The following DACH1 variants were observed in gnomAD, a reference collection of about 807,000 sequenced individuals.
The protein encoded by DACH1 is dachshund family transcription factor 1.
DACH1 carries 12 observed loss-of-function variants against 54.2 expected under a neutral mutation model. The observed-to-expected ratio is 0.22, with a 90% CI of 0.14 to 0.36. DACH1 has a LOEUF of 0.36. Among genes scored for constraint, DACH1 ranks in the 10% least tolerant of loss-of-function variants. The probability of loss-of-function intolerance (pLI) is 1.00; values close to 1 mark genes in which losing one functional copy is unlikely to be tolerated. For missense variants in DACH1, 805 were observed against 929.8 expected (o/e 0.87, Z 1.75); for synonymous variants, 386 against 366.2 (o/e 1.05, Z -0.62).
intron 6 of DACH1, among the ~76,000 whole-genome samples, chr13:71,523,885 A>AT (rs1411423876): frequency 6.6e-6 from 1 of 152,164 alleles, no homozygotes; most frequent in Non-Finnish European, 1.5e-5. Context: ...CCAGTAGACA[A>AT]TTTAATTTTA....
intron 10 of DACH1, among the ~76,000 whole-genome samples, chr13:71,467,525 G>T (rs1876697342): frequency 6.7e-6 from 1 of 150,336 alleles, no homozygotes; most frequent in Non-Finnish European, 1.5e-5. Flanking sequence ...AAATAAAAAA[G>T]AATAAAATAT....
chr13:71,685,772 C>T (rs1881128812), intron 1 of DACH1, among the ~76,000 whole-genome samples: 1 of 152,112 alleles, frequency 6.6e-6, no homozygotes, highest in Non-Finnish European at 1.5e-5. Flanking sequence ...GCCAAAATCA[C>T]AGATTTTATT....
rs1885179079 is a variant in DACH1, at chr13:71,571,315, G to GT, written c.1299+1524dup. 2.0e-5 allele frequency among the ~76,000 whole-genome samples: 3 copies of GT among 152,056 alleles called. No individual in the cohort carries two copies. In the South Asian group the frequency reaches 6.2e-4, roughly 32 times the overall value. On this transcript the variant is annotated intron_variant, in intron 4 of 10. Transcript: ENST00000613252. The stretch of plus-strand genomic sequence containing the variant: ...TACAATGATGGGAAGACTTAAATGG[G>GT]TTTTTCCCTCCGCCAAACTCCTCTT...
At chr13:71,780,005 G>GGAAT (rs201886906) in intron 1 of DACH1, among the ~76,000 whole-genome samples, 128 of 149,964 alleles carry the variant, frequency 8.5e-4, no homozygotes, top group African/African-American at 2.2e-3. Flanking sequence ...TATGAAGGAA[G>GGAAT]GAATGAATGA....
At chr13:71,445,607 G>A (rs551204759) in intron 10 of DACH1, among the ~76,000 whole-genome samples, 1 of 152,248 alleles carries the variant, frequency 6.6e-6, no homozygotes, top group African/African-American at 2.4e-5. Context: ...AATGCACCAC[G>A]CACAGACAGA....
At chr13:71,522,721 G>T (rs1881692529) in intron 6 of DACH1, among the ~76,000 whole-genome samples, 1 of 151,918 alleles carries the variant, frequency 6.6e-6, no homozygotes, top group South Asian at 2.1e-4. Flanking sequence ...TAACATTCAG[G>T]AATGACAGTT....
chr13:71,663,747 TAG>T (rs771469197), intron 2 of DACH1, among the ~76,000 whole-genome samples: 2 of 151,842 alleles, frequency 1.3e-5, no homozygotes, highest in Non-Finnish European at 2.9e-5. Context: ...AAATAAGAAA[TAG>T]AGATTCTGGA....
intron 1 of DACH1, among the ~76,000 whole-genome samples, chr13:71,860,996 GC>G (rs1874313064): frequency 6.6e-6 from 1 of 151,896 alleles, no homozygotes; most frequent in African/African-American, 2.4e-5. Flanking sequence ...AGTGATTTAT[GC>G]TCAAATCCTG....
intron 1 of DACH1, among the ~76,000 whole-genome samples, chr13:71,711,427 T>G (rs1350795468): frequency 6.6e-6 from 1 of 152,132 alleles, no homozygotes; most frequent in Non-Finnish European, 1.5e-5. Flanking sequence ...TGCAGGCAGG[T>G]GAAGGACTAG....
intron 1 of DACH1, among the ~76,000 whole-genome samples, chr13:71,711,185 A>C (rs547791584): frequency 1.3e-5 from 2 of 152,164 alleles, no homozygotes; most frequent in African/African-American, 4.8e-5. Context: ...GCCAATAATA[A>C]ATTCAGAATA....
chr13:71,479,186 A>G lies in DACH1; in HGVS notation c.1853T>C (p.Met618Thr). 1 of 1,611,938 alleles carries G rather than the reference A, an allele frequency of 6.2e-7. No individual in the cohort carries two copies. Among genetic ancestry groups the G allele is most frequent in the Non-Finnish European group, 8.5e-7 (1 of 1,179,382 alleles). The change falls in exon 8 of 11, where the codon ATG (methionine) becomes ACG (threonine). Residue 618 changes from methionine to threonine, a missense_variant. Met to Thr is a moderately conservative substitution (Grantham distance 81). Coordinates refer to ENST00000613252, the MANE Select transcript of DACH1 (RefSeq NM_080759.6). ...GGAAATACCTCTATTCTTTTGTTCC[A>G]TAGCCAACTGCTTCTCAAGTGTTTC... ...LRETLEKQLA[M>T]EQKNRAIVQK...
chr13:71,743,836 C>T (rs554662135), intron 1 of DACH1, among the ~76,000 whole-genome samples: 58 of 152,070 alleles, frequency 3.8e-4, no homozygotes, highest in South Asian at 1.0e-3. Context: ...TGACTGAATC[C>T]CTTTGCAGAA....
intron 10 of DACH1, among the ~76,000 whole-genome samples, chr13:71,448,641 G>T (rs55663549): frequency 2.8e-4 from 43 of 152,340 alleles, no homozygotes; most frequent in Non-Finnish European, 2.9e-4. Context: ...AAATATTTTA[G>T]TGAGACTGAT....
intron 1 of DACH1, among the ~76,000 whole-genome samples, chr13:71,740,318 C>G (rs1465597284): frequency 2.0e-5 from 3 of 148,222 alleles, no homozygotes; most frequent in African/African-American, 7.4e-5. Flanking sequence ...TAAAACAAAA[C>G]AAAAAAAAAA....
intron 1 of DACH1, among the ~76,000 whole-genome samples, chr13:71,779,756 A>C (rs1211921312): frequency 6.6e-6 from 1 of 152,022 alleles, no homozygotes; most frequent in Non-Finnish European, 1.5e-5. Context: ...AAAATTCAAC[A>C]AAAAAGTTTC....
intron 7 of DACH1, among the ~76,000 whole-genome samples, chr13:71,483,413 T>C (rs1475218646): frequency 6.8e-6 from 1 of 147,074 alleles, no homozygotes. Flanking sequence ...AATTTAATGT[T>C]ACAGTTAAAA....
intron 1 of DACH1, among the ~76,000 whole-genome samples, chr13:71,812,142 A>G (rs1287076090): frequency 6.6e-6 from 1 of 152,204 alleles, no homozygotes; most frequent in Non-Finnish European, 1.5e-5. Context: ...TCAATGGATT[A>G]AACTCAAAGA....
rs1406304619 is a variant in DACH1, at chr13:71,442,827, T to C, written c.2084-2135A>G. 1.1e-4 allele frequency among the ~76,000 whole-genome samples: 16 copies of C among 152,050 alleles called. No homozygotes were observed. The East Asian group carries it at 2.7e-3, about 26-fold the overall frequency. ...ATAGAACAATTATAACAATATACTCTAATATAAGTTATGTAAATGTAGCCT... is the reference window on the plus strand; with the variant it reads ...ATAGAACAATTATAACAATATACTCCAATATAAGTTATGTAAATGTAGCCT... On this transcript the variant is annotated intron_variant, in intron 10 of 10. Transcript: ENST00000613252.
At chr13:71,607,168 C>T (rs926239445) in intron 3 of DACH1, among the ~76,000 whole-genome samples, 1 of 151,890 alleles carries the variant, frequency 6.6e-6, no homozygotes. Flanking sequence ...TAAAAAAGAG[C>T]TTTTCATAGA....
Sources: gnomAD v4.1 joint callset for allele counts (sites outside exome capture counted in the v4.1 genomes callset) on GRCh38, gnomAD v4.1.1 for gene constraint, MANE v1.5 for transcripts, NCBI Gene and HGNC (gene_info 2026-07-23, HGNC 2026-07-21) for gene names.